Variants in PLXDC2 observed in about 807,000 individuals in gnomAD.
PLXDC2 encodes plexin domain containing 2, also known as plexin domain-containing protein 2.
Under a neutral mutation model 68.9 loss-of-function variants are expected in PLXDC2, and 40 were observed. That is an observed-to-expected ratio of 0.58 (90% confidence interval 0.45 to 0.76). The LOEUF is 0.76. Ranked by LOEUF, PLXDC2 falls within the 30% of genes least tolerant of loss-of-function variation. The probability of loss-of-function intolerance (pLI) is 0.00; values close to 1 mark genes in which losing one functional copy is unlikely to be tolerated. For missense variants in PLXDC2, 644 were observed against 661.9 expected (o/e 0.97, Z 0.30); for synonymous variants, 243 against 234.2 (o/e 1.04, Z -0.34).
chr10:20,027,229 A>G (rs1389242004), intron 2 of PLXDC2, among the ~76,000 whole-genome samples: 1 of 152,010 alleles, frequency 6.6e-6, no homozygotes, highest in African/African-American at 2.4e-5. Flanking sequence ...CCCAGAATTC[A>G]TATGATTGAG....
chr10:20,154,806 T>C (rs992987215), intron 6 of PLXDC2, among the ~76,000 whole-genome samples: 3 of 151,920 alleles, frequency 2.0e-5, no homozygotes, highest in Non-Finnish European at 4.4e-5. Context: ...CACTAGCTTA[T>C]GTGAGGAATA....
chr10:20,098,357 A>ATATGTGTGTG (rs138577052), intron 4 of PLXDC2, among the ~76,000 whole-genome samples: 1 of 145,384 alleles, frequency 6.9e-6, no homozygotes, highest in African/African-American at 2.6e-5. Flanking sequence ...GTGTGTGTGT[A>ATATGTGTGTG]TGTGTGTGTG....
intron 9 of PLXDC2, among the ~76,000 whole-genome samples, chr10:20,187,154 T>G (rs2358873): frequency 0.22 from 34,058 of 151,692 alleles, 4,669 homozygotes; most frequent in East Asian, 0.4. Flanking sequence ...AATGTCTGGT[T>G]GGATACCTAG....
At chr10:20,020,177 A>ATTTTTTTTTTT (rs1564659038) in intron 2 of PLXDC2, among the ~76,000 whole-genome samples, 2 of 98,184 alleles carry the variant, frequency 2.0e-5, no homozygotes, top group African/African-American at 8.8e-5. Context: ...ACACCCAGCA[A>ATTTTTTTTTTT]ATTTTTTTTT....
intron 1 of PLXDC2, among the ~76,000 whole-genome samples, chr10:19,898,971 G>C (rs927565944): frequency 2.6e-5 from 4 of 152,050 alleles, no homozygotes; most frequent in Non-Finnish European, 5.9e-5. Context: ...TTAACACTTT[G>C]TCTATGCTAG....
chr10:20,082,337 C>T (rs1336226600), intron 4 of PLXDC2, among the ~76,000 whole-genome samples: 1 of 151,426 alleles, frequency 6.6e-6, no homozygotes, highest in Non-Finnish European at 1.5e-5. Flanking sequence ...TGTATGATGT[C>T]GGTAGTATGG....
At chr10:20,253,614 C>T (rs899505389) in intron 13 of PLXDC2, among the ~76,000 whole-genome samples, 2 of 151,966 alleles carry the variant, frequency 1.3e-5, no homozygotes, top group South Asian at 2.1e-4. Context: ...AATCAGGATA[C>T]CAAAGCAAAA....
intron 6 of PLXDC2, among the ~76,000 whole-genome samples, chr10:20,155,823 A>G (rs1175565319): frequency 6.6e-6 from 1 of 152,172 alleles, no homozygotes. Context: ...ATAAATAAAT[A>G]AAGTAGCCAG....
chr10:20,091,965 A>G (rs1233344381), intron 4 of PLXDC2, among the ~76,000 whole-genome samples: 1 of 152,180 alleles, frequency 6.6e-6, no homozygotes, highest in Non-Finnish European at 1.5e-5. Context: ...TATCATAGTA[A>G]AGACAGTTAA....
At chr10:20,153,626 C>T (rs1834178344) in intron 6 of PLXDC2, among the ~76,000 whole-genome samples, 1 of 151,988 alleles carries the variant, frequency 6.6e-6, no homozygotes, top group South Asian at 2.1e-4. Flanking sequence ...ATTTCTTGAG[C>T]TCTTCATATA....
intron 2 of PLXDC2, 84 bp downstream of exon 2, chr10:20,002,070 C>A (rs1834951430): frequency 1.5e-6 from 2 of 1,317,066 alleles, no homozygotes; most frequent in South Asian, 1.4e-5. Context: ...CATAAGTTGT[C>A]TCTTCATCTC....
chr10:19,975,084 G>C (rs1834426671), intron 1 of PLXDC2, among the ~76,000 whole-genome samples: 2 of 152,262 alleles, frequency 1.3e-5, no homozygotes, highest in Admixed American at 1.3e-4. Flanking sequence ...TTTTCTCATG[G>C]TATTTTTCTA....
Position 20,217,491 on chromosome 10 carries a change from A to AG in PLXDC2, c.1190dup (p.Ala398SerfsTer29). ...CTTCTTCTCGAACCACCACAACCGTAGGAGCGACAACCACCCAGTTCAGGG... is the reference window on the plus strand; with the variant it reads ...CTTCTTCTCGAACCACCACAACCGTAGGGAGCGACAACCACCCAGTTCAGGG... On this transcript the variant is annotated frameshift_variant, in exon 11 of 14. Transcript: ENST00000377252. LOFTEE classifies it high-confidence loss of function. The AG allele has an allele frequency of 6.2e-7, 1 of 1,612,100 alleles. No individual in the cohort carries two copies. Among genetic ancestry groups the AG allele is most frequent in the South Asian group, 1.1e-5 (1 of 90,950 alleles).
intron 4 of PLXDC2, among the ~76,000 whole-genome samples, chr10:20,110,546 G>A (rs974665880): frequency 1.3e-5 from 2 of 151,988 alleles, no homozygotes; most frequent in African/African-American, 4.8e-5. Flanking sequence ...CATCTTTCCT[G>A]GCATATTCCT....
intron 4 of PLXDC2, among the ~76,000 whole-genome samples, chr10:20,093,465 T>C (rs1465357854): frequency 1.3e-5 from 2 of 152,160 alleles, no homozygotes; most frequent in South Asian, 2.1e-4. Context: ...CATAGGAACT[T>C]TGGTTTCCAC....
chr10:20,147,070 G>A (rs1834090475), intron 5 of PLXDC2, among the ~76,000 whole-genome samples: 1 of 152,004 alleles, frequency 6.6e-6, no homozygotes, highest in Admixed American at 6.6e-5. Context: ...ATTCTCACTG[G>A]TGACTATTAA....
At chr10:19,882,151 T>C (rs1837739232) in intron 1 of PLXDC2, among the ~76,000 whole-genome samples, 1 of 152,242 alleles carries the variant, frequency 6.6e-6, no homozygotes, top group Non-Finnish European at 1.5e-5. Flanking sequence ...CAGCTGATAC[T>C]GAAATAATTT....
intron 4 of PLXDC2, among the ~76,000 whole-genome samples, chr10:20,084,477 T>C (rs1833162809): frequency 6.6e-6 from 1 of 152,118 alleles, no homozygotes; most frequent in African/African-American, 2.4e-5. Flanking sequence ...GCTGACCTTA[T>C]AGCAGGCCTT....
intron 2 of PLXDC2, among the ~76,000 whole-genome samples, chr10:20,036,717 A>G (rs1470033990): frequency 6.6e-6 from 1 of 152,194 alleles, no homozygotes; most frequent in African/African-American, 2.4e-5. Context: ...TTTACCCACC[A>G]CAATTATATT....
Sources: gnomAD v4.1 joint callset for allele counts (sites outside exome capture counted in the v4.1 genomes callset) on GRCh38, gnomAD v4.1.1 for gene constraint, MANE v1.5 for transcripts, NCBI Gene and HGNC (gene_info 2026-07-23, HGNC 2026-07-21) for gene names.